The following ISM2 variants were observed in gnomAD, a reference collection of about 807,000 sequenced individuals.
ISM2 encodes isthmin 2.
A neutral mutation model predicts 58.0 loss-of-function variants in ISM2; 50 were observed. The ratio of observed to expected loss-of-function variants is 0.86; its 90% CI spans 0.69 to 1.09. The LOEUF is 1.09. Ranked by LOEUF, ISM2 falls within the 50% of genes least tolerant of loss-of-function variation. The probability of loss-of-function intolerance (pLI) is 0.00; values close to 1 mark genes in which losing one functional copy is unlikely to be tolerated. For missense variants in ISM2, 723 were observed against 745.0 expected (o/e 0.97, Z 0.34); for synonymous variants, 303 against 312.4 (o/e 0.97, Z 0.32).
Position 77,482,652 on chromosome 14 carries a change from C to A in ISM2, c.643G>T (p.Val215Leu). Residue 215 changes from valine (V) to leucine (L), a missense_variant, in exon 4 of 7, where the codon GTG becomes TTG. Val to Leu is a conservative substitution (Grantham distance 32). Transcript: ENST00000342219. Reference protein sequence around the residue: ...NPDNQVTIKVVEDPQAEVSID... With the variant: ...NPDNQVTIKVLEDPQAEVSID... ...GACACCTCGGCCTGGGGGTCCTCCA[C>A]CACCTTGATGGTCACCTGCAGGAGA... 1 of 1,553,076 alleles carries A rather than the reference C, an allele frequency of 6.4e-7. No individual in the cohort carries two copies.
At chr14:77,484,952 GTCAGGGC>G in intron 1 of ISM2, 33 bp from the exon 2 acceptor site, 1 of 1,526,332 alleles carries the variant, frequency 6.6e-7, no homozygotes, top group Non-Finnish European at 8.8e-7. Flanking sequence ...AAGGTAACAG[GTCAGGGC>G]TCACCCCACG....
chr14:77,478,763 C>A (rs1255973306), intron 4 of ISM2, 48 bp from the exon 5 acceptor site: 2 of 1,574,504 alleles, frequency 1.3e-6, no homozygotes, highest in African/African-American at 1.3e-5. Context: ...GCTCACAGGG[C>A]AAATTGGTAC....
intron 1 of ISM2, among the ~76,000 whole-genome samples, chr14:77,487,524 TA>T (rs1566756955): frequency 2.6e-5 from 4 of 152,142 alleles, no homozygotes; most frequent in Admixed American, 2.0e-4. Flanking sequence ...AGTCAGACCA[TA>T]GGGTGGGCAA....
intron 2 of ISM2, 22 bp from the exon 3 acceptor site, chr14:77,484,587 T>C: frequency 6.3e-7 from 1 of 1,597,680 alleles, no homozygotes; most frequent in Non-Finnish European, 8.5e-7. Context: ...AGAGGGAAGG[T>C]GAGGTGACAG....
chr14:77,483,669 T>C lies in ISM2; in HGVS notation c.627+654A>G, dbSNP rs1211758048. ...GTGTGTGTGTGTGTGTCTGTGTGTG[T>C]GTGTGTAGGTAAGTAGAGAAAAGAA... On this transcript the variant is annotated intron_variant, in intron 3 of 6. Coordinates refer to ENST00000342219, the MANE Select transcript of ISM2 (RefSeq NM_199296.3). 2.0e-5 allele frequency among the ~76,000 whole-genome samples: 3 copies of C among 152,220 alleles called. No individual in the cohort carries two copies. In the East Asian group the frequency reaches 5.8e-4, roughly 29 times the overall value.
At chr14:77,486,067 A>G (rs1566756401) in intron 1 of ISM2, among the ~76,000 whole-genome samples, 1 of 152,214 alleles carries the variant, frequency 6.6e-6, no homozygotes, top group East Asian at 1.9e-4. Context: ...CCTCATTGTC[A>G]TGCCTGTCTT....
chr14:77,489,952 C>T (rs896741132), intron 1 of ISM2, among the ~76,000 whole-genome samples: 3 of 152,216 alleles, frequency 2.0e-5, no homozygotes, highest in Admixed American at 6.5e-5. Context: ...CAAGCTAAGC[C>T]TCCCGGGTTC....
In ISM2 at chr14:77,484,420, G is replaced by A. The variant is rs1370905228; in HGVS notation, c.530C>T (p.Pro177Leu). 6 of 1,612,954 alleles carry A rather than the reference G, an allele frequency of 3.7e-6. No homozygotes were observed. The Admixed American group carries it at 5.0e-5, about 13-fold the overall frequency. ...PAALTPGNAT[P>L]PRTQEVTPLL... is the part of the protein sequence containing the mutation. ...GGGAGTAACCTCCTGGGTCCTGGGA[G>A]GCGTGGCATTCCCTGGGGTCAGGGC... Residue 177 changes from proline to leucine, a missense_variant, in exon 3 of 7, where the codon CCT (proline) becomes CTT (leucine). Coordinates refer to ENST00000342219, the MANE Select transcript of ISM2 (RefSeq NM_199296.3).
chr14:77,480,392 A>T (rs2079124276), intron 4 of ISM2, among the ~76,000 whole-genome samples: 1 of 151,988 alleles, frequency 6.6e-6, no homozygotes, highest in Non-Finnish European at 1.5e-5. Context: ...GCTGGGCCCA[A>T]ATCCTCAGGG....
At chr14:77,488,709 C>T (rs937040913) in intron 1 of ISM2, among the ~76,000 whole-genome samples, 3 of 152,282 alleles carry the variant, frequency 2.0e-5, no homozygotes, top group South Asian at 2.1e-4. Flanking sequence ...CCAGAGGTGG[C>T]GACAGATGGT....
intron 1 of ISM2, among the ~76,000 whole-genome samples, chr14:77,496,255 G>A (rs2079239514): frequency 1.3e-5 from 2 of 149,036 alleles, no homozygotes; most frequent in Admixed American, 6.7e-5. Flanking sequence ...TTGGGAGGCT[G>A]AGGTGGGCAG....
intron 3 of ISM2, 198 bp downstream of exon 3, chr14:77,484,125 A>T: frequency 1.6e-6 from 1 of 631,864 alleles, no homozygotes; most frequent in Non-Finnish European, 2.7e-6. Context: ...GACTTGCCCA[A>T]GGCCCACAGC....
intron 1 of ISM2, 173 bp downstream of exon 1, chr14:77,498,480 G>T: frequency 8.4e-7 from 1 of 1,185,124 alleles, no homozygotes; most frequent in Non-Finnish European, 1.2e-6. Flanking sequence ...GAAGTCCGGC[G>T]CACCTGGGCA....
intron 1 of ISM2, among the ~76,000 whole-genome samples, chr14:77,493,093 G>C (rs1044608011): frequency 1.3e-5 from 2 of 151,892 alleles, no homozygotes; most frequent in African/African-American, 4.8e-5. Flanking sequence ...AAACTCCTAG[G>C]CTTAAGCAAT....
At chr14:77,497,122 C>T (rs1461477844) in intron 1 of ISM2, among the ~76,000 whole-genome samples, 1 of 152,018 alleles carries the variant, frequency 6.6e-6, no homozygotes, top group Non-Finnish European at 1.5e-5. Flanking sequence ...GTAATCCCAG[C>T]ACTTTGGGAG....
rs192694857 is a variant in ISM2, at chr14:77,491,214, G to A, written c.142-6295C>T. Among the ~76,000 whole-genome samples, 480 of 152,260 alleles carry A rather than the reference G, an allele frequency of 3.2e-3. 3 individuals are homozygous for A. Among genetic ancestry groups the A allele is most frequent in the Admixed American group, 0.017 (266 of 15,272 alleles). ...ATGACACTGCCTCAGGTTTCTCAGG[G>A]ACCCCAGGCTCCTTCCTCTGCCCTT... On this transcript the variant is annotated intron_variant, in intron 1 of 6. Coordinates refer to ENST00000342219, the MANE Select transcript of ISM2 (RefSeq NM_199296.3).
intron 4 of ISM2, among the ~76,000 whole-genome samples, chr14:77,479,239 T>C (rs2079117398): frequency 6.6e-6 from 1 of 152,008 alleles, no homozygotes; most frequent in East Asian, 1.9e-4. Context: ...GCTAATTTTT[T>C]CTTTTTTTGA....
intron 1 of ISM2, among the ~76,000 whole-genome samples, chr14:77,493,173 T>G (rs1303027506): frequency 6.6e-6 from 1 of 152,182 alleles, no homozygotes; most frequent in Non-Finnish European, 1.5e-5. Flanking sequence ...TTTTTGTATT[T>G]TTAGTAGAGA....
chr14:77,496,946 C>T lies in ISM2; in HGVS notation c.141+1707G>A, dbSNP rs542097170. Among the ~76,000 whole-genome samples, 57 of 151,948 alleles carry T rather than the reference C, an allele frequency of 3.8e-4. 1 individual carries two copies. The South Asian group carries it at 0.012, about 31-fold the overall frequency. On this transcript the variant is annotated intron_variant, in intron 1 of 6. Transcript: ENST00000342219. The stretch of plus-strand genomic sequence containing the variant: ...CATCCTCAAGTGCAGCCAGTCTCCC[C>T]ATTCCTTCCCACGGCCTTTGGAGGG...
Sources: allele counts gnomAD v4.1 joint callset (sites outside exome capture counted in the v4.1 genomes callset), GRCh38; gene constraint gnomAD v4.1.1; transcripts MANE v1.5; gene names NCBI Gene and HGNC (gene_info 2026-07-23, HGNC 2026-07-21).